Variants in ST6GALNAC3 observed in about 807,000 individuals in gnomAD.
The protein encoded by ST6GALNAC3 is alpha-N-acetylgalactosaminide alpha-2,6-sialyltransferase 3.
In ST6GALNAC3, 25 loss-of-function variants were observed where a neutral mutation model predicts 32.7. That is an observed-to-expected ratio of 0.76 (90% confidence interval 0.56 to 1.07). The LOEUF is 1.07. ST6GALNAC3 is among the 50% of genes least tolerant of loss of function. The probability of loss-of-function intolerance (pLI) is 0.00; values close to 1 mark genes in which losing one functional copy is unlikely to be tolerated. For missense variants in ST6GALNAC3, 355 were observed against 382.4 expected (o/e 0.93, Z 0.60); for synonymous variants, 129 against 133.1 (o/e 0.97, Z 0.21).
At chr1:76,524,203 C>T (rs1379663784) in intron 3 of ST6GALNAC3, among the ~76,000 whole-genome samples, 1 of 152,168 alleles carries the variant, frequency 6.6e-6, no homozygotes, top group Non-Finnish European at 1.5e-5. Context: ...TAGTTTACTG[C>T]TCTGCTCTTA....
chr1:76,327,247 G>A (rs1268327915), intron 2 of ST6GALNAC3, among the ~76,000 whole-genome samples: 2 of 150,340 alleles, frequency 1.3e-5, no homozygotes, highest in African/African-American at 4.9e-5. Flanking sequence ...TAGAGAAAAA[G>A]GACCAACAGG....
intron 1 of ST6GALNAC3, among the ~76,000 whole-genome samples, chr1:76,149,908 C>T (rs949519552): frequency 1.3e-5 from 2 of 152,110 alleles, no homozygotes; most frequent in African/African-American, 4.8e-5. Flanking sequence ...CTAGATGTTT[C>T]CTGAATGATA....
At chr1:76,088,729 CA>C (rs1372354291) in intron 1 of ST6GALNAC3, among the ~76,000 whole-genome samples, 3 of 151,732 alleles carry the variant, frequency 2.0e-5, no homozygotes, top group Admixed American at 2.0e-4. Context: ...AAAAGGATCA[CA>C]AAAAAAACTA....
At chr1:76,352,969 C>T (rs948314901) in intron 2 of ST6GALNAC3, among the ~76,000 whole-genome samples, 1 of 152,124 alleles carries the variant, frequency 6.6e-6, no homozygotes, top group East Asian at 1.9e-4. Context: ...ATCCAAGACA[C>T]CATCTGCTGT....
intron 3 of ST6GALNAC3, among the ~76,000 whole-genome samples, chr1:76,597,726 G>C (rs531642276): frequency 6.6e-6 from 1 of 152,152 alleles, no homozygotes; most frequent in Non-Finnish European, 1.5e-5. Flanking sequence ...CACCTAAGTA[G>C]AGAGCTTCTG....
At chr1:76,105,416 A>G (rs914052834) in intron 1 of ST6GALNAC3, among the ~76,000 whole-genome samples, 2 of 152,222 alleles carry the variant, frequency 1.3e-5, no homozygotes, top group African/African-American at 2.4e-5. Context: ...ATGTGAATTC[A>G]CTGAAGAACC....
intron 2 of ST6GALNAC3, among the ~76,000 whole-genome samples, chr1:76,358,155 A>G (rs892775287): frequency 1.3e-5 from 2 of 152,036 alleles, no homozygotes; most frequent in African/African-American, 4.8e-5. Context: ...CGAATCTTTA[A>G]ATGTTAGAAT....
At chr1:76,413,781 GA>G (rs1654434077) in intron 3 of ST6GALNAC3, among the ~76,000 whole-genome samples, 1 of 152,118 alleles carries the variant, frequency 6.6e-6, no homozygotes, top group African/African-American at 2.4e-5. Flanking sequence ...AGATGAAAGG[GA>G]TAGGTATGGT....
At chr1:76,608,865 G>A (rs1647740100) in intron 3 of ST6GALNAC3, among the ~76,000 whole-genome samples, 2 of 152,056 alleles carry the variant, frequency 1.3e-5, no homozygotes, top group Non-Finnish European at 2.9e-5. Flanking sequence ...GAATTTACAT[G>A]TCTGCAGCCT....
chr1:76,430,256 A>G lies in ST6GALNAC3; in HGVS notation c.623+17839A>G, dbSNP rs79593305. ...TTTTGCCCTTCAATCTGCATTTTAT[A>G]CTTCCACCAGATTAATCTTCCTAAA... On this transcript the variant is annotated intron_variant, in intron 3 of 4. Coordinates refer to ENST00000328299, the MANE Select transcript of ST6GALNAC3 (RefSeq NM_152996.4). Among the ~76,000 whole-genome samples the G allele has an allele frequency of 4.4e-3, 670 of 152,202 alleles. 3 individuals are homozygous for G. The highest frequency in any genetic ancestry group is 0.015 in the African/African-American group (633 of 41,534).
intron 3 of ST6GALNAC3, among the ~76,000 whole-genome samples, chr1:76,595,785 C>T (rs1647126578): frequency 2.0e-5 from 3 of 152,012 alleles, no homozygotes; most frequent in Admixed American, 2.0e-4. Context: ...TTGCATATTT[C>T]TTAAACTTTC....
At chr1:76,247,675 G>T (rs180948454) in intron 1 of ST6GALNAC3, among the ~76,000 whole-genome samples, 48 of 152,272 alleles carry the variant, frequency 3.2e-4, no homozygotes, top group African/African-American at 1.0e-3. Context: ...CCTCCCCCTA[G>T]CAAGCTCAAT....
chr1:76,374,021 C>T (rs1042847181), intron 2 of ST6GALNAC3, among the ~76,000 whole-genome samples: 2 of 152,096 alleles, frequency 1.3e-5, no homozygotes, highest in East Asian at 3.9e-4. Context: ...TAAGTTCTTT[C>T]TCCTGTGGTT....
At chr1:76,123,749 A>AT (rs767734132) in intron 1 of ST6GALNAC3, among the ~76,000 whole-genome samples, 23,156 of 94,326 alleles carry the variant, frequency 0.25, 3,761 homozygotes, top group African/African-American at 0.35. Context: ...ACTCATTTTA[A>AT]TTTTTTTTTT....
At chr1:76,122,744 T>A (rs540500144) in intron 1 of ST6GALNAC3, among the ~76,000 whole-genome samples, 2 of 152,308 alleles carry the variant, frequency 1.3e-5, no homozygotes, top group South Asian at 4.1e-4. Context: ...TCCCATATTC[T>A]GGAGATGTGT....
chr1:76,341,899 C>T (rs1648070858), intron 2 of ST6GALNAC3, among the ~76,000 whole-genome samples: 1 of 151,896 alleles, frequency 6.6e-6, no homozygotes, highest in Non-Finnish European at 1.5e-5. Context: ...GTGATGTTCC[C>T]CTCCCTGTGT....
chr1:76,460,202 T>C (rs185779130), intron 3 of ST6GALNAC3, among the ~76,000 whole-genome samples: 17 of 152,296 alleles, frequency 1.1e-4, no homozygotes, highest in Non-Finnish European at 2.1e-4. Flanking sequence ...AATCTCATTG[T>C]GGTTTTTGTT....
At position 76,499,462 on chromosome 1, in the gene ST6GALNAC3, T is replaced by G. The variant is rs144746139; in HGVS notation, c.623+87045T>G. On this transcript the variant is annotated intron_variant, in intron 3 of 4. Transcript: ENST00000328299. ...TAATCACCTTATTAATCCCCTCTCT[T>G]AGCTTCCTCCACAGCTGGTCTTTTT... 8.3e-3 allele frequency among the ~76,000 whole-genome samples: 1,258 copies of G among 152,194 alleles called. 21 individuals carry two copies. The highest frequency in any genetic ancestry group is 0.028 in the African/African-American group (1,171 of 41,546).
At chr1:76,242,733 C>T (rs1657039347) in intron 1 of ST6GALNAC3, among the ~76,000 whole-genome samples, 3 of 152,052 alleles carry the variant, frequency 2.0e-5, no homozygotes. Context: ...TTTTAGGATG[C>T]TGAGAATGAT....
Sources: gnomAD v4.1 joint callset for allele counts (sites outside exome capture counted in the v4.1 genomes callset) on GRCh38, gnomAD v4.1.1 for gene constraint, MANE v1.5 for transcripts, NCBI Gene and HGNC (gene_info 2026-07-23, HGNC 2026-07-21) for gene names.